PAK3: variants seen among roughly 807,000 people sequenced by gnomAD.
PAK3 encodes p21 (RAC1) activated kinase 3.
PAK3 carries 4 observed loss-of-function variants against 41.0 expected under a neutral mutation model. The observed-to-expected ratio is 0.10, with a 90% confidence interval of 0.05 to 0.22. The LOEUF is 0.22. Ranked by LOEUF, PAK3 falls within the 10% of genes least tolerant of loss-of-function variation. The pLI, the probability that PAK3 is intolerant of heterozygous loss-of-function variation, is 1.00. For missense variants in PAK3, 205 were observed against 409.9 expected (o/e 0.50, Z 4.32); for synonymous variants, 146 against 139.6 (o/e 1.05, Z -0.32).
At chrX:110,993,447 G>C (rs559888737) in intron 1 of PAK3, among the ~76,000 whole-genome samples, 1 of 111,065 alleles carries the variant, frequency 9.0e-6, no homozygotes, top group Non-Finnish European at 1.9e-5. Flanking sequence ...AACATATTCC[G>C]ACATCCCTGC....
intron 1 of PAK3, among the ~76,000 whole-genome samples, chrX:111,088,566 G>A (rs1166302637): frequency 8.9e-6 from 1 of 111,804 alleles, no homozygotes; most frequent in African/African-American, 3.3e-5. Flanking sequence ...TAGGAAATAT[G>A]GCTAACTTCT....
At chrX:110,952,501 C>A (rs1254433345) in intron 1 of PAK3, among the ~76,000 whole-genome samples, 1 of 110,885 alleles carries the variant, frequency 9.0e-6, no homozygotes, top group Non-Finnish European at 1.9e-5. Context: ...AACTTCTCTC[C>A]TCTAGGGATA....
chrX:111,052,240 G>A (rs192588871), intron 1 of PAK3, among the ~76,000 whole-genome samples: 341 of 112,748 alleles, frequency 3.0e-3, no homozygotes, highest in Non-Finnish European at 5.4e-3. Context: ...CATTGAAGAA[G>A]CAGGCAAGCA....
intron 4 of PAK3, among the ~76,000 whole-genome samples, chrX:111,104,131 A>G (rs1420815197): frequency 1.8e-5 from 2 of 110,957 alleles, no homozygotes; most frequent in East Asian, 2.8e-4. Context: ...CCGATCATCT[A>G]TTTGTTTTTT....
intron 11 of PAK3, among the ~76,000 whole-genome samples, chrX:111,175,205 A>C (rs187878770): frequency 9.0e-6 from 1 of 111,373 alleles, no homozygotes; most frequent in East Asian, 2.9e-4. Context: ...TAGAAATAGC[A>C]CTCCAAATCA....
At chrX:111,219,245 A>T (rs757065712) in intron 17 of PAK3, among the ~76,000 whole-genome samples, 1 of 103,093 alleles carries the variant, frequency 9.7e-6, no homozygotes, top group African/African-American at 3.4e-5. Context: ...TAAGCAAGAG[A>T]TAAATGTAAG....
chrX:111,165,796 T>TGTTAA (rs200278486), intron 10 of PAK3, among the ~76,000 whole-genome samples: 16,853 of 111,456 alleles, frequency 0.15, 2,687 homozygotes, highest in African/African-American at 0.48. Flanking sequence ...TGTATAGTTT[T>TGTTAA]GTTAGCTGAC....
chrX:110,961,847 TTCTG>T (rs1240118905), intron 1 of PAK3, among the ~76,000 whole-genome samples: 1 of 112,095 alleles, frequency 8.9e-6, no homozygotes, highest in East Asian at 2.8e-4. Flanking sequence ...TAATGAATAG[TTCTG>T]TCTTTTTCTT....
At chrX:111,037,325 A>G (rs1222143122) in intron 1 of PAK3, among the ~76,000 whole-genome samples, 1 of 111,807 alleles carries the variant, frequency 8.9e-6, no homozygotes, top group Non-Finnish European at 1.9e-5. Flanking sequence ...TGTGGTGACT[A>G]TTTTTTAAAG....
At chrX:111,138,047 CT>C (rs36088513) in intron 5 of PAK3, among the ~76,000 whole-genome samples, 4,016 of 99,117 alleles carry the variant, frequency 0.041, 170 homozygotes, top group African/African-American at 0.12. Flanking sequence ...GAGCTCAAAT[CT>C]TTTTTTTTTT....
chrX:110,996,353 C>G (rs1427468199), intron 1 of PAK3, among the ~76,000 whole-genome samples: 1 of 112,311 alleles, frequency 8.9e-6, no homozygotes, highest in Non-Finnish European at 1.9e-5. Context: ...AGTGGACATA[C>G]TAAACACAAA....
At chrX:111,135,617 G>A (rs1431256234) in intron 5 of PAK3, among the ~76,000 whole-genome samples, 1 of 111,426 alleles carries the variant, frequency 9.0e-6, no homozygotes, top group African/African-American at 3.3e-5. Context: ...AGAAAGAGTT[G>A]TATGAAAGAA....
intron 1 of PAK3, among the ~76,000 whole-genome samples, chrX:111,051,531 TG>T (rs1410510846): frequency 8.9e-6 from 1 of 111,947 alleles, no homozygotes; most frequent in Non-Finnish European, 1.9e-5. Flanking sequence ...CATTTCGAGA[TG>T]TTTTTTCTCC....
chrX:111,178,194 A>G (rs2094427115), intron 11 of PAK3, among the ~76,000 whole-genome samples: 1 of 110,971 alleles, frequency 9.0e-6, no homozygotes, highest in Non-Finnish European at 1.9e-5. Context: ...TCATACACTC[A>G]TCTTCACTGT....
chrX:111,100,136 C>T (rs947367864), intron 3 of PAK3, among the ~76,000 whole-genome samples: 2 of 110,540 alleles, frequency 1.8e-5, no homozygotes, highest in African/African-American at 6.6e-5. Context: ...GTGGCTGGGT[C>T]TCACAGACCT....
intron 16 of PAK3, among the ~76,000 whole-genome samples, chrX:111,216,215 G>A (rs2094878052): frequency 9.0e-6 from 1 of 111,514 alleles, no homozygotes; most frequent in Non-Finnish European, 1.9e-5. Flanking sequence ...TTTGGAGGTA[G>A]GACGACACTT....
At chrX:111,168,385 T>G (rs2094291348) in intron 10 of PAK3, among the ~76,000 whole-genome samples, 1 of 111,955 alleles carries the variant, frequency 8.9e-6, no homozygotes. Flanking sequence ...TGTCACAGTG[T>G]TTTTTCTTTA....
rs2094639071 is a variant in PAK3, at chrX:111,198,359, G to T, written c.1407+1719G>T. On this transcript the variant is annotated intron_variant, in intron 16 of 17. Transcript: ENST00000372007. ...GTTCCATGTGTCAATTTTTGTTTTTGTTGAAATTGCTTTTGGAGTCTTCAT... is the reference window on the plus strand; with the variant it reads ...GTTCCATGTGTCAATTTTTGTTTTTTTTGAAATTGCTTTTGGAGTCTTCAT... Among the ~76,000 whole-genome samples, 3 of 112,566 alleles carry T rather than the reference G, an allele frequency of 2.7e-5. No individual in the cohort carries two copies. In the Admixed American group the frequency reaches 2.8e-4, roughly 11 times the overall value.
At chrX:110,989,117 T>G (rs754528287) in intron 1 of PAK3, among the ~76,000 whole-genome samples, 18 of 112,213 alleles carry the variant, frequency 1.6e-4, no homozygotes, top group Non-Finnish European at 3.0e-4. Context: ...TTCATCCACA[T>G]GCTCTGTCTA....
Sources: gnomAD v4.1 joint callset for allele counts (sites outside exome capture counted in the v4.1 genomes callset) on GRCh38, gnomAD v4.1.1 for gene constraint, MANE v1.5 for transcripts, NCBI Gene and HGNC (gene_info 2026-07-23, HGNC 2026-07-21) for gene names.